The following CACNA2D3 variants were observed in gnomAD, a reference collection of about 807,000 sequenced individuals.
CACNA2D3 encodes calcium voltage-gated channel auxiliary subunit alpha2delta 3.
Under a neutral mutation model 160.6 loss-of-function variants are expected in CACNA2D3, and 60 were observed. That is an observed-to-expected ratio of 0.37 (90% CI 0.30 to 0.46). CACNA2D3 has a LOEUF of 0.46. CACNA2D3 is among the 20% of genes least tolerant of loss of function. CACNA2D3 has a pLI of 1.00. For synonymous variants in CACNA2D3, 558 were observed against 492.9 expected (o/e 1.13, Z -1.75); for missense variants, 1,205 against 1,365.0 (o/e 0.88, Z 1.85).
chr3:54,141,084 T>TGTGTGTGTGTGTGCGC (rs1553731306), intron 2 of CACNA2D3, among the ~76,000 whole-genome samples: 15 of 112,380 alleles, frequency 1.3e-4, no homozygotes, highest in African/African-American at 5.6e-4. Flanking sequence ...TGTGTGTGTG[T>TGTGTGTGTGTGTGCGC]GTGCGCGCGC....
intron 3 of CACNA2D3, among the ~76,000 whole-genome samples, chr3:54,353,879 G>A (rs547232002): frequency 6.6e-6 from 1 of 152,252 alleles, no homozygotes; most frequent in East Asian, 1.9e-4. Context: ...GGTGATGCTT[G>A]GTTCTGTACT....
At chr3:54,822,837 TTTC>T (rs1324241077) in intron 14 of CACNA2D3, among the ~76,000 whole-genome samples, 9 of 133,806 alleles carry the variant, frequency 6.7e-5, no homozygotes, top group African/African-American at 2.1e-4. Flanking sequence ...CTTTCTTTTC[TTTC>T]TTTCTTTCTT....
At chr3:54,585,412 A>G (rs1452077631) in intron 9 of CACNA2D3, among the ~76,000 whole-genome samples, 2 of 152,244 alleles carry the variant, frequency 1.3e-5, no homozygotes, top group Non-Finnish European at 2.9e-5. Context: ...GAAGGTAAGA[A>G]ATGAGAAACA....
chr3:54,349,525 T>C (rs1297172946), intron 3 of CACNA2D3, among the ~76,000 whole-genome samples: 1 of 152,264 alleles, frequency 6.6e-6, no homozygotes, highest in Non-Finnish European at 1.5e-5. Flanking sequence ...TCTTATCTTT[T>C]CGGAGCATTG....
chr3:54,253,291 G>C (rs983493157), intron 2 of CACNA2D3, among the ~76,000 whole-genome samples: 2 of 152,174 alleles, frequency 1.3e-5, no homozygotes, highest in Non-Finnish European at 2.9e-5. Context: ...ATGAAGAAAA[G>C]AGGTTTAATC....
chr3:54,744,551 T>C (rs1180001644), intron 11 of CACNA2D3, among the ~76,000 whole-genome samples: 1 of 152,210 alleles, frequency 6.6e-6, no homozygotes, highest in African/African-American at 2.4e-5. Flanking sequence ...ATTGTTATTA[T>C]AGCTCTAGTG....
At chr3:54,787,569 G>A (rs1190025624) in intron 13 of CACNA2D3, among the ~76,000 whole-genome samples, 1 of 152,122 alleles carries the variant, frequency 6.6e-6, no homozygotes, top group East Asian at 1.9e-4. Flanking sequence ...GGCCACACAG[G>A]AAAGAAGTGA....
intron 4 of CACNA2D3, among the ~76,000 whole-genome samples, chr3:54,430,934 A>G (rs1452807733): frequency 1.3e-5 from 2 of 152,182 alleles, no homozygotes; most frequent in African/African-American, 4.8e-5. Context: ...TTTTGACCAG[A>G]AGCCTTACCA....
At chr3:54,153,587 A>G (rs964010297) in intron 2 of CACNA2D3, among the ~76,000 whole-genome samples, 6 of 152,200 alleles carry the variant, frequency 3.9e-5, no homozygotes, top group African/African-American at 1.4e-4. Flanking sequence ...ATGCTAAAGA[A>G]ATAATAAAAC....
intron 4 of CACNA2D3, among the ~76,000 whole-genome samples, chr3:54,461,321 C>T (rs1411071596): frequency 6.6e-6 from 1 of 150,498 alleles, no homozygotes; most frequent in Non-Finnish European, 1.5e-5. Context: ...CCCTCTTTTT[C>T]TATTGATTGG....
chr3:54,744,393 A>G (rs1269646406), intron 11 of CACNA2D3, among the ~76,000 whole-genome samples: 6 of 152,218 alleles, frequency 3.9e-5, no homozygotes, highest in African/African-American at 1.2e-4. Context: ...GGTGGAGGAA[A>G]TGCCCCAACC....
chr3:54,804,593 A>T (rs1397945717), intron 13 of CACNA2D3, among the ~76,000 whole-genome samples: 1 of 152,168 alleles, frequency 6.6e-6, no homozygotes. Flanking sequence ...CTCCCACACA[A>T]TAATAATGGG....
intron 8 of CACNA2D3, among the ~76,000 whole-genome samples, chr3:54,574,997 A>G (rs1543208): frequency 0.15 from 22,840 of 152,236 alleles, 1,906 homozygotes; most frequent in Middle Eastern, 0.25. Flanking sequence ...TCGATTCCGT[A>G]TTAAAAGTAT....
intron 5 of CACNA2D3, among the ~76,000 whole-genome samples, chr3:54,509,038 C>G (rs919262028): frequency 9.9e-5 from 15 of 152,208 alleles, no homozygotes; most frequent in Admixed American, 9.8e-4. Flanking sequence ...TGTCAGATGT[C>G]TCAACCTATT....
intron 11 of CACNA2D3, among the ~76,000 whole-genome samples, chr3:54,677,454 C>T (rs886546345): frequency 3.3e-5 from 5 of 152,020 alleles, no homozygotes; most frequent in Admixed American, 6.6e-5. Flanking sequence ...AAAGAACAGG[C>T]CTCTATTTAA....
intron 4 of CACNA2D3, among the ~76,000 whole-genome samples, chr3:54,432,558 A>G (rs945110164): frequency 6.6e-6 from 1 of 152,186 alleles, no homozygotes; most frequent in Non-Finnish European, 1.5e-5. Context: ...CTGACATCGC[A>G]TTCTAAGTGT....
rs576280444 is a variant in CACNA2D3, at chr3:54,489,927, A to T, written c.382-13565A>T. Among the ~76,000 whole-genome samples the T allele has an allele frequency of 4.6e-5, 7 of 152,226 alleles. No individual in the cohort carries two copies. In the East Asian group the frequency reaches 1.4e-3, roughly 29 times the overall value. On this transcript the variant is annotated intron_variant, in intron 4 of 37. Coordinates refer to ENST00000474759, the MANE Select transcript of CACNA2D3 (RefSeq NM_018398.3). Reference sequence around the variant, plus strand: ...GATCATTAAAAAAATCATTTTTCACATATGAGGAGAAAATGAGATGATTGA... The same window carrying T: ...GATCATTAAAAAAATCATTTTTCACTTATGAGGAGAAAATGAGATGATTGA...
intron 3 of CACNA2D3, among the ~76,000 whole-genome samples, chr3:54,368,102 A>T (rs568130557): frequency 6.6e-6 from 1 of 152,326 alleles, no homozygotes; most frequent in South Asian, 2.1e-4. Flanking sequence ...ACAAGATTTT[A>T]TTGGAATACA....
rs118011946 is a variant in CACNA2D3 at position 54,702,972 on chromosome 3, T to C, written c.1168-49627T>C. On this transcript the variant is annotated intron_variant, in intron 11 of 37. Coordinates refer to ENST00000474759, the MANE Select transcript of CACNA2D3 (RefSeq NM_018398.3). Reference sequence around the variant, plus strand: ...AGCCATTATCCTAAGCAAATTAATATAGGAACAGAAAACCAAATCCTACAT... The same window carrying C: ...AGCCATTATCCTAAGCAAATTAATACAGGAACAGAAAACCAAATCCTACAT... Among the ~76,000 whole-genome samples, 166 of 152,166 alleles carry C rather than the reference T, an allele frequency of 1.1e-3. 2 individuals are homozygous for C. In the East Asian group the frequency reaches 0.029, roughly 26 times the overall value.
Sources: allele counts gnomAD v4.1 joint callset (sites outside exome capture counted in the v4.1 genomes callset), GRCh38; gene constraint gnomAD v4.1.1; transcripts MANE v1.5; gene names NCBI Gene and HGNC (gene_info 2026-07-23, HGNC 2026-07-21).